SSPN: variants seen among roughly 807,000 people sequenced by gnomAD.
SSPN encodes the protein K-ras oncogene-associated protein.
A neutral mutation model predicts 19.1 loss-of-function variants in SSPN; 15 were observed. The ratio of observed to expected loss-of-function variants is 0.78; its 90% CI spans 0.52 to 1.21. The LOEUF (loss-of-function observed/expected upper bound fraction) is 1.21. SSPN is among the 50% of genes most tolerant of loss of function. SSPN has a pLI of 0.00. For missense variants in SSPN, 291 were observed against 314.0 expected (o/e 0.93, Z 0.55); for synonymous variants, 147 against 140.3 (o/e 1.05, Z -0.34).
At position 26,195,702 on chromosome 12, in the gene SSPN, G is replaced by A. The variant is rs1157376626; in HGVS notation, c.30G>A (p.Gln10=). 1.6e-5 allele frequency: 18 copies of A among 1,137,392 alleles called. No individual in the cohort carries two copies. The highest frequency in any genetic ancestry group is 1.9e-5 in the Non-Finnish European group (18 of 923,910). The allele number at this position is 1,137,392 out of a possible 1,614,324, so 70.5% of individuals were successfully genotyped here. A position where few individuals can be genotyped will look rare whatever the true frequency, so the allele number is the denominator to read the frequency against. MGKNKQPRG[Q]QRQGGPPAAD... ...GCAAGAACAAGCAGCCACGCGGCCA[G>A]CAGAGGCAGGGGGGCCCGCCGGCCG... The change falls in exon 1 of 3, where the codon CAG becomes CAA. Residue 10 remains glutamine (Q), a synonymous_variant. Transcript: ENST00000242729.
chr12:26,145,259 C>T (rs1377795433), intron 1 of SSPN, among the ~76,000 whole-genome samples: 3 of 152,222 alleles, frequency 2.0e-5, no homozygotes, highest in Non-Finnish European at 2.9e-5. Flanking sequence ...TAAGGCCCAT[C>T]TTCACCACTT....
chr12:26,155,987 T>C (rs1944553650), intron 1 of SSPN, among the ~76,000 whole-genome samples: 1 of 152,062 alleles, frequency 6.6e-6, no homozygotes, highest in South Asian at 2.1e-4. Flanking sequence ...TGAGAAAAGA[T>C]GATGAAGAAG....
intron 1 of SSPN, chr12:26,124,479 C>T: frequency 6.3e-7 from 1 of 1,584,920 alleles, no homozygotes; most frequent in Non-Finnish European, 8.7e-7. Flanking sequence ...TAATTAACTA[C>T]CCATGCAGGT....
At chr12:26,165,470 A>G (rs561547789) in intron 1 of SSPN, among the ~76,000 whole-genome samples, 1 of 152,198 alleles carries the variant, frequency 6.6e-6, no homozygotes, top group Non-Finnish European at 1.5e-5. Context: ...TATGGCCTGG[A>G]GCAATTTAAT....
intron 1 of SSPN, among the ~76,000 whole-genome samples, chr12:26,212,588 G>A (rs1402448242): frequency 2.0e-5 from 3 of 151,722 alleles, no homozygotes; most frequent in African/African-American, 7.3e-5. Flanking sequence ...GCAGAACTTA[G>A]TTCTTCCATA....
chr12:26,166,695 T>C (rs1316156418), intron 1 of SSPN, among the ~76,000 whole-genome samples: 2 of 152,272 alleles, frequency 1.3e-5, no homozygotes, highest in African/African-American at 4.8e-5. Flanking sequence ...GACATGCCTG[T>C]TCATTTATGT....
At chr12:26,138,538 T>C (rs1944441688) in intron 1 of SSPN, among the ~76,000 whole-genome samples, 1 of 152,194 alleles carries the variant, frequency 6.6e-6, no homozygotes, top group Non-Finnish European at 1.5e-5. Flanking sequence ...CGCATGTGGT[T>C]ATTGAGCAGT....
chr12:26,144,738 C>T (rs1228241334), intron 1 of SSPN, among the ~76,000 whole-genome samples: 2 of 152,062 alleles, frequency 1.3e-5, no homozygotes, highest in African/African-American at 4.8e-5. Context: ...ATACTGAGCT[C>T]GGTAAATATT....
At chr12:26,148,166 C>T (rs1288398339) in intron 1 of SSPN, among the ~76,000 whole-genome samples, 5 of 152,150 alleles carry the variant, frequency 3.3e-5, no homozygotes, top group East Asian at 3.8e-4. Flanking sequence ...GACCTATCTG[C>T]ACAGGCCCTG....
chr12:26,228,402 A>G (rs908827554), intron 2 of SSPN, among the ~76,000 whole-genome samples: 1 of 151,768 alleles, frequency 6.6e-6, no homozygotes, highest in Non-Finnish European at 1.5e-5. Context: ...ATTGCTATTT[A>G]AGGATGTATG....
At chr12:26,208,849 A>T (rs779742990) in intron 1 of SSPN, among the ~76,000 whole-genome samples, 1 of 152,130 alleles carries the variant, frequency 6.6e-6, no homozygotes, top group Non-Finnish European at 1.5e-5. Flanking sequence ...ACACCCATTT[A>T]TCATCTGTCA....
chr12:26,132,529 G>A (rs1944402534), intron 1 of SSPN, among the ~76,000 whole-genome samples: 1 of 152,120 alleles, frequency 6.6e-6, no homozygotes, highest in Non-Finnish European at 1.5e-5. Context: ...GTAGTCAGTG[G>A]CCTTGGTCTG....
At chr12:26,214,682 G>A (rs1379365470) in intron 1 of SSPN, 1 of 152,082 alleles carries the variant, frequency 6.6e-6, no homozygotes, top group Admixed American at 6.6e-5. Flanking sequence ...TGAATGAACT[G>A]TTACTTGATG....
At chr12:26,198,001 T>C (rs1489497482) in intron 1 of SSPN, among the ~76,000 whole-genome samples, 1 of 152,194 alleles carries the variant, frequency 6.6e-6, no homozygotes, top group Non-Finnish European at 1.5e-5. Context: ...GACACCATGC[T>C]CTGCTTGTCC....
chr12:26,147,716 A>T (rs1033845839), intron 1 of SSPN, among the ~76,000 whole-genome samples: 1 of 152,236 alleles, frequency 6.6e-6, no homozygotes, highest in African/African-American at 2.4e-5. Flanking sequence ...CAAGCCTGAC[A>T]ATAGAAGACT....
Position 26,195,641 on chromosome 12 carries a change from G to GCGGGGCCCCCCCC in SSPN, c.-31_-30insGGGGCCCCCCCCC. The GCGGGGCCCCCCCC allele has an allele frequency of 3.6e-6, 4 of 1,105,398 alleles. No individual in the cohort carries two copies. The highest frequency in any genetic ancestry group is 4.6e-6 in the Non-Finnish European group (4 of 878,116). The allele number at this position is 1,105,398 out of a possible 1,614,324, so 68.5% of individuals were successfully genotyped here. ...CTCCAGGGCCCAGGGCGCCGCACAC[G>GCGGGGCCCCCCCC]CACCCACCCACCCACCCAGCCTCGC... On this transcript the variant is annotated 5_prime_UTR_variant, in exon 1 of 3. Transcript: ENST00000242729.
chr12:26,184,098 A>G (rs1181825739), intron 1 of SSPN, among the ~76,000 whole-genome samples: 1 of 152,162 alleles, frequency 6.6e-6, no homozygotes, highest in Non-Finnish European at 1.5e-5. Flanking sequence ...CAATAAGCCC[A>G]CAGTCACTTG....
At chr12:26,141,668 T>C (rs1944461193) in intron 1 of SSPN, among the ~76,000 whole-genome samples, 1 of 152,228 alleles carries the variant, frequency 6.6e-6, no homozygotes, top group Non-Finnish European at 1.5e-5. Flanking sequence ...TGTGAGAATA[T>C]GAAATTGTCT....
At chr12:26,129,496 G>A (rs1944385944) in intron 1 of SSPN, among the ~76,000 whole-genome samples, 1 of 152,120 alleles carries the variant, frequency 6.6e-6, no homozygotes, top group Non-Finnish European at 1.5e-5. Context: ...AAGGAGGGAC[G>A]GCAATTCCAC....
Sources: allele counts gnomAD v4.1 joint callset (sites outside exome capture counted in the v4.1 genomes callset), GRCh38; gene constraint gnomAD v4.1.1; transcripts MANE v1.5; gene names NCBI Gene and HGNC (gene_info 2026-07-23, HGNC 2026-07-21).